Variants in ERC2 observed in about 807,000 individuals in gnomAD.
The protein encoded by ERC2 is ERC protein 2.
Under a neutral mutation model 114.8 loss-of-function variants are expected in ERC2, and 42 were observed. That is an observed-to-expected ratio of 0.37 (90% CI 0.29 to 0.47). The LOEUF (loss-of-function observed/expected upper bound fraction) is 0.47, where lower values mean the gene tolerates loss of function less well. ERC2 is among the 20% of genes least tolerant of loss of function. The probability of loss-of-function intolerance (pLI) is 0.99; values close to 1 mark genes in which losing one functional copy is unlikely to be tolerated. For synonymous variants in ERC2, 454 were observed against 425.5 expected (o/e 1.07, Z -0.82); for missense variants, 939 against 1,150.7 (o/e 0.82, Z 2.66).
At chr3:56,032,112 C>A (rs2149625185) in intron 7 of ERC2, among the ~76,000 whole-genome samples, 1 of 152,332 alleles carries the variant, frequency 6.6e-6, no homozygotes, top group South Asian at 2.1e-4. Flanking sequence ...TACACACCAG[C>A]TCCTATTTGC....
intron 14 of ERC2, among the ~76,000 whole-genome samples, chr3:55,850,036 A>T (rs1209517619): frequency 3.3e-5 from 5 of 152,182 alleles, no homozygotes; most frequent in Non-Finnish European, 7.3e-5. Flanking sequence ...AAACCATTCC[A>T]TGCTTTTTCC....
chr3:56,115,055 AC>A (rs1412018455), intron 6 of ERC2, among the ~76,000 whole-genome samples: 1 of 152,076 alleles, frequency 6.6e-6, no homozygotes, highest in Non-Finnish European at 1.5e-5. Flanking sequence ...TATTTTTCAG[AC>A]CCTGAATTCT....
At chr3:55,965,770 C>T (rs1393412019) in intron 12 of ERC2, among the ~76,000 whole-genome samples, 3 of 152,182 alleles carry the variant, frequency 2.0e-5, no homozygotes, top group African/African-American at 7.2e-5. Flanking sequence ...AAATAAATGG[C>T]TGATCTTTCC....
intron 10 of ERC2, among the ~76,000 whole-genome samples, chr3:56,004,966 C>A (rs567843392): frequency 6.6e-6 from 1 of 151,322 alleles, no homozygotes; most frequent in Non-Finnish European, 1.5e-5. Context: ...ATGTAGATCT[C>A]AATTTTTTTA....
At chr3:56,086,035 A>G (rs867894003) in intron 6 of ERC2, among the ~76,000 whole-genome samples, 1 of 152,322 alleles carries the variant, frequency 6.6e-6, no homozygotes, top group East Asian at 1.9e-4. Context: ...TGAGAGAGAG[A>G]GTCAAGGGCT....
Position 55,509,202 on chromosome 3 carries a change from T to A in ERC2, c.*2114A>T, listed in dbSNP as rs574712322. 2 of 152,354 alleles carry A rather than the reference T, an allele frequency of 1.3e-5. No individual in the cohort carries two copies. The highest frequency in any genetic ancestry group is 1.5e-5 in the Non-Finnish European group (1 of 67,978). 9.4% of individuals were successfully genotyped at this position (152,354 alleles called of 1,614,324 possible). ...CAAGAGCTGTGACAAAATTGGCACA[T>A]ACATAGAAATAGCTAGCTATACATG... On this transcript the variant is annotated 3_prime_UTR_variant, in exon 18 of 18. Coordinates refer to ENST00000288221, the MANE Select transcript of ERC2 (RefSeq NM_015576.3).
At chr3:55,905,194 C>T (rs911341779) in intron 13 of ERC2, among the ~76,000 whole-genome samples, 1 of 152,166 alleles carries the variant, frequency 6.6e-6, no homozygotes, top group Non-Finnish European at 1.5e-5. Flanking sequence ...AATTCTCCTG[C>T]CTCAGCCTCC....
chr3:56,200,480 T>C (rs555175113), intron 3 of ERC2, among the ~76,000 whole-genome samples: 132 of 152,292 alleles, frequency 8.7e-4, no homozygotes, highest in African/African-American at 3.0e-3. Flanking sequence ...TCAGAAAGTG[T>C]TCCTATCCTC....
intron 3 of ERC2, among the ~76,000 whole-genome samples, chr3:56,239,154 T>C (rs2051153918): frequency 6.6e-6 from 1 of 152,164 alleles, no homozygotes; most frequent in Admixed American, 6.5e-5. Flanking sequence ...AGATCCTTTC[T>C]AAAATATACA....
At chr3:56,055,643 C>T (rs888085502) in intron 7 of ERC2, among the ~76,000 whole-genome samples, 8 of 152,232 alleles carry the variant, frequency 5.3e-5, no homozygotes, top group African/African-American at 1.9e-4. Context: ...GACAGACAAA[C>T]TGCAGAGGTA....
At chr3:56,376,456 T>C (rs1257604260) in intron 2 of ERC2, among the ~76,000 whole-genome samples, 9 of 124,710 alleles carry the variant, frequency 7.2e-5, no homozygotes, top group African/African-American at 2.5e-4. Flanking sequence ...TCTTAATTGC[T>C]CCCAAAAAAA....
At position 55,508,407 on chromosome 3, in the gene ERC2, A is replaced by C. The variant is rs1171804257; in HGVS notation, c.*2909T>G. The C allele has an allele frequency of 6.6e-6, 1 of 152,658 alleles. No individual in the cohort carries two copies. The highest frequency in any genetic ancestry group is 1.5e-5 in the Non-Finnish European group (1 of 68,048). 9.5% of individuals were successfully genotyped at this position (152,658 alleles called of 1,614,324 possible). ...GACAACAAATTTATGAACTGTACAT[A>C]CCTTGTACATTGTTCTACTAGACAC... On this transcript the variant is annotated 3_prime_UTR_variant, in exon 18 of 18. Transcript: ENST00000288221.
chr3:56,413,978 T>C (rs569692163), intron 2 of ERC2, among the ~76,000 whole-genome samples: 37 of 152,350 alleles, frequency 2.4e-4, no homozygotes, highest in Non-Finnish European at 4.0e-4. Flanking sequence ...GGAATGAAGA[T>C]AAATACTACT....
Position 56,096,796 on chromosome 3 carries a change from C to A in ERC2, c.1474-15812G>T, listed in dbSNP as rs1459059085. Reference sequence around the variant, plus strand: ...TCAAATGGAAAATCCTTCAAAATGCCAAGTGTAAATAACACCTTCCCTCTA... The same window carrying A: ...TCAAATGGAAAATCCTTCAAAATGCAAAGTGTAAATAACACCTTCCCTCTA... On this transcript the variant is annotated intron_variant, in intron 6 of 17. Coordinates refer to ENST00000288221, the MANE Select transcript of ERC2 (RefSeq NM_015576.3). Among the ~76,000 whole-genome samples, 3 of 152,094 alleles carry A rather than the reference C, an allele frequency of 2.0e-5. No individual in the cohort carries two copies. The East Asian group carries it at 5.8e-4, about 29-fold the overall frequency.
At chr3:55,683,170 C>G (rs2062143278) in intron 17 of ERC2, among the ~76,000 whole-genome samples, 1 of 152,092 alleles carries the variant, frequency 6.6e-6, no homozygotes, top group East Asian at 1.9e-4. Flanking sequence ...CTAATAAGAC[C>G]TGCTAATATG....
At chr3:55,934,130 A>G (rs977528298) in intron 13 of ERC2, among the ~76,000 whole-genome samples, 2 of 152,220 alleles carry the variant, frequency 1.3e-5, no homozygotes, top group African/African-American at 2.4e-5. Flanking sequence ...TGTGTGCTCA[A>G]TGAGGGTATG....
intron 17 of ERC2, among the ~76,000 whole-genome samples, chr3:55,604,485 T>G (rs2058555217): frequency 6.6e-6 from 1 of 152,144 alleles, no homozygotes. Flanking sequence ...TTCCCTTTTC[T>G]CTATGTTCCT....
intron 3 of ERC2, among the ~76,000 whole-genome samples, chr3:56,204,855 C>A (rs959273064): frequency 2.0e-5 from 3 of 151,040 alleles, no homozygotes; most frequent in African/African-American, 4.9e-5. Flanking sequence ...CAATAAGATA[C>A]AAGATTGTCC....
intron 6 of ERC2, among the ~76,000 whole-genome samples, chr3:56,110,071 G>A (rs891037104): frequency 2.0e-5 from 3 of 151,992 alleles, no homozygotes; most frequent in Non-Finnish European, 4.4e-5. Context: ...AAATCACGGC[G>A]AAAATATACA....
Sources: allele counts gnomAD v4.1 joint callset (sites outside exome capture counted in the v4.1 genomes callset), GRCh38; gene constraint gnomAD v4.1.1; transcripts MANE v1.5; gene names NCBI Gene and HGNC (gene_info 2026-07-23, HGNC 2026-07-21).